The following INPP5A variants were observed in gnomAD, a reference collection of about 807,000 sequenced individuals.
INPP5A encodes inositol polyphosphate-5-phosphatase A.
In INPP5A, 14 loss-of-function variants were observed where a neutral mutation model predicts 65.2. The ratio of observed to expected loss-of-function variants is 0.21; its 90% confidence interval spans 0.14 to 0.34. INPP5A has a LOEUF of 0.34. Ranked by LOEUF, INPP5A falls within the 10% of genes least tolerant of loss-of-function variation. INPP5A has a pLI of 1.00. For synonymous variants in INPP5A, 207 were observed against 208.3 expected, an observed-to-expected ratio of 0.99 and a Z score of 0.05; for missense variants, 431 against 545.6, an observed-to-expected ratio of 0.79 and a Z score of 2.09.
At chr10:132,557,193 G>C (rs944971664) in intron 1 of INPP5A, among the ~76,000 whole-genome samples, 1 of 152,224 alleles carries the variant, frequency 6.6e-6, no homozygotes, top group Non-Finnish European at 1.5e-5. Context: ...GGTGTCTGTT[G>C]CCGCTGTGAC....
At chr10:132,721,877 G>C (rs1476354834) in intron 8 of INPP5A, among the ~76,000 whole-genome samples, 1 of 152,200 alleles carries the variant, frequency 6.6e-6, no homozygotes, top group African/African-American at 2.4e-5. Context: ...TCACCCTGAG[G>C]GCTTGAGGCT....
chr10:132,745,639 CGTGGTGGCCTCGGGT>C (rs1234091455), intron 9 of INPP5A, among the ~76,000 whole-genome samples: 16 of 126,314 alleles, frequency 1.3e-4, no homozygotes, highest in Non-Finnish European at 2.7e-4. Context: ...GGGCCTCGGG[CGTGGTGGCCTCGGGT>C]GTGGTGGCCC....
intron 11 of INPP5A, among the ~76,000 whole-genome samples, chr10:132,754,214 T>C (rs1846548559): frequency 6.6e-6 from 1 of 152,242 alleles, no homozygotes; most frequent in Admixed American, 6.5e-5. Context: ...GTTTGTATCA[T>C]GGTCGTGTGT....
In INPP5A at chr10:132,765,109, A is replaced by AC. The variant is rs577524936; in HGVS notation, c.904-663dup. The stretch of plus-strand genomic sequence containing the variant: ...CTGCGGTGGGAGGGTGTGCGTGGTG[A>AC]CACTCAGGAACATGGTCGGGCCAGT... On this transcript the variant is annotated intron_variant, in intron 11 of 15. Transcript: ENST00000368594. Among the ~76,000 whole-genome samples the AC allele has an allele frequency of 1.2e-3, 174 of 147,588 alleles. 1 individual carries two copies. The highest frequency in any genetic ancestry group is 4.2e-3 in the African/African-American group (166 of 39,400).
intron 1 of INPP5A, among the ~76,000 whole-genome samples, chr10:132,600,611 A>G (rs141559049): frequency 0.013 from 2,030 of 152,264 alleles, 43 homozygotes; most frequent in African/African-American, 0.044. Flanking sequence ...CTTTTCAGCA[A>G]TACCCCACTC....
chr10:132,738,760 G>A (rs770867677), intron 9 of INPP5A, among the ~76,000 whole-genome samples: 24 of 152,238 alleles, frequency 1.6e-4, no homozygotes, highest in Non-Finnish European at 1.9e-4. Context: ...CTGGGTGGCC[G>A]TTGACAATGA....
chr10:132,717,332 G>A (rs1308616266), intron 8 of INPP5A, among the ~76,000 whole-genome samples: 1 of 146,724 alleles, frequency 6.8e-6, no homozygotes, highest in Non-Finnish European at 1.5e-5. Context: ...GAAGTCAGGG[G>A]GCCTTTGGGT....
intron 12 of INPP5A, among the ~76,000 whole-genome samples, chr10:132,769,096 G>A (rs1846905239): frequency 6.6e-6 from 1 of 152,378 alleles, no homozygotes; most frequent in East Asian, 1.9e-4. Context: ...GCCAGGAAAT[G>A]TGTCATTGGC....
At position 132,707,891 on chromosome 10, in the gene INPP5A, G is replaced by T. The variant is rs888465639; in HGVS notation, c.475-422G>T. On this transcript the variant is annotated intron_variant, in intron 6 of 15. Transcript: ENST00000368594. This position sits in a 1 kb window ranked among gnomAD's most constrained non-coding sequence, Gnocchi z 5.5. ...CCACACACACTGTTGGGGTGGGCAG[G>T]TCACCCACTGTCCAGGACGCCTGGC... Among the ~76,000 whole-genome samples the T allele has an allele frequency of 4.6e-5, 7 of 152,172 alleles. No homozygotes were observed. The highest frequency in any genetic ancestry group is 1.7e-4 in the African/African-American group (7 of 41,430).
At chr10:132,590,702 A>G (rs2786888) in intron 1 of INPP5A, among the ~76,000 whole-genome samples, 38,292 of 151,994 alleles carry the variant, frequency 0.25, 5,598 homozygotes, top group East Asian at 0.49. Flanking sequence ...GGATGTACAC[A>G]GGGGCCACGT....
intron 1 of INPP5A, among the ~76,000 whole-genome samples, chr10:132,579,159 G>A (rs1314120768): frequency 1.3e-5 from 2 of 152,026 alleles, no homozygotes; most frequent in Non-Finnish European, 2.9e-5. Context: ...GCAGAGCCGC[G>A]CCGGTTGCGG....
intron 13 of INPP5A, among the ~76,000 whole-genome samples, chr10:132,778,636 C>G (rs550474694): frequency 6.6e-6 from 1 of 152,348 alleles, no homozygotes; most frequent in South Asian, 2.1e-4. Flanking sequence ...GCCGGGGCCT[C>G]TGAACATAAC....
chr10:132,656,772 G>T (rs534165123), intron 4 of INPP5A, among the ~76,000 whole-genome samples: 1 of 152,312 alleles, frequency 6.6e-6, no homozygotes, highest in South Asian at 2.1e-4. Flanking sequence ...AGTTTGGAGG[G>T]GCCCAGGGCG....
At chr10:132,581,924 G>A (rs2071489560) in intron 1 of INPP5A, among the ~76,000 whole-genome samples, 1 of 151,748 alleles carries the variant, frequency 6.6e-6, no homozygotes, top group Non-Finnish European at 1.5e-5. Context: ...TGCAAGCTCT[G>A]CCTCCTGGGT....
intron 4 of INPP5A, among the ~76,000 whole-genome samples, 176 bp from the exon 5 acceptor site, chr10:132,690,216 G>A (rs903815107): frequency 2.0e-4 from 31 of 152,264 alleles, no homozygotes; most frequent in African/African-American, 7.5e-4. Context: ...GGTGGAGTTT[G>A]GGTGTTTGCA....
intron 1 of INPP5A, among the ~76,000 whole-genome samples, chr10:132,571,937 C>T (rs1273652446): frequency 1.3e-5 from 2 of 152,220 alleles, no homozygotes; most frequent in African/African-American, 2.4e-5. Context: ...TGGGCCGCAC[C>T]CTGACCACCA....
chr10:132,639,402 T>C (rs528620643), intron 2 of INPP5A, among the ~76,000 whole-genome samples: 1 of 152,268 alleles, frequency 6.6e-6, no homozygotes, highest in East Asian at 1.9e-4. Context: ...GTAATTTGAA[T>C]TGTTGACTCC....
rs569335826 is a variant in INPP5A at position 132,545,133 on chromosome 10, A to G, written c.75+6962A>G. Among the ~76,000 whole-genome samples the G allele has an allele frequency of 2.0e-5, 3 of 151,864 alleles. No individual in the cohort carries two copies. Among genetic ancestry groups the G allele is most frequent in the Admixed American group, 2.0e-4 (3 of 15,244 alleles). On this transcript the variant is annotated intron_variant, in intron 1 of 15. Transcript: ENST00000368594. The surrounding 1 kb of genome is among the most constrained non-coding windows in gnomAD (Gnocchi z 4.6). ...GTCTGTCCGTGTGGAGTTGTGGGGC[A>G]GGTGGAGCAGGGCAGAGGGCCCCGC...
chr10:132,681,678 A>C (rs1053020655), intron 4 of INPP5A, among the ~76,000 whole-genome samples: 2 of 152,208 alleles, frequency 1.3e-5, no homozygotes, highest in Non-Finnish European at 2.9e-5. Flanking sequence ...GTGAACATTG[A>C]GGTGATTATT....
Sources: gnomAD v4.1 joint callset for allele counts (sites outside exome capture counted in the v4.1 genomes callset) on GRCh38, gnomAD v4.1.1 for gene constraint, Gnocchi (gnomAD v3.1) non-coding constraint, MANE v1.5 for transcripts, NCBI Gene and HGNC (gene_info 2026-07-23, HGNC 2026-07-21) for gene names.